RFX3: variants seen among roughly 807,000 people sequenced by gnomAD.
RFX3 encodes the protein transcription factor RFX3.
Under a neutral mutation model 98.6 loss-of-function variants are expected in RFX3, and 14 were observed. The ratio of observed to expected loss-of-function variants is 0.14; its 90% CI spans 0.09 to 0.22. The LOEUF is 0.22. Ranked by LOEUF, RFX3 falls within the 10% of genes least tolerant of loss-of-function variation. RFX3 has a pLI of 1.00. For missense variants in RFX3, 639 were observed against 926.9 expected (o/e 0.69, Z 4.03); for synonymous variants, 383 against 328.4 (o/e 1.17, Z -1.80).
At chr9:3,349,176 T>C (rs1834793116) in intron 2 of RFX3, among the ~76,000 whole-genome samples, 2 of 152,106 alleles carry the variant, frequency 1.3e-5, no homozygotes, top group Admixed American at 6.6e-5. Flanking sequence ...TGTCCATCTT[T>C]GCTCTTATGG....
At position 3,266,195 on chromosome 9, in the gene RFX3, A is replaced by G; in HGVS notation, c.1455+13T>C. On this transcript the variant is annotated intron_variant, in intron 12 of 16. Transcript: ENST00000617270. ...CCTCAACACAAAAGAAAAAGCAAGG[A>G]CATAAAGTATACCTTGGTTTGTATC... 2 of 1,489,218 alleles carry G rather than the reference A, an allele frequency of 1.3e-6. No homozygotes were observed. Among genetic ancestry groups the G allele is most frequent in the Non-Finnish European group, 1.9e-6 (2 of 1,072,242 alleles). The allele number at this position is 1,489,218 out of a possible 1,614,324, so 92.3% of individuals were successfully genotyped here.
At chr9:3,416,313 T>C (rs1404637977) in intron 1 of RFX3, among the ~76,000 whole-genome samples, 1 of 152,194 alleles carries the variant, frequency 6.6e-6, no homozygotes, top group Non-Finnish European at 1.5e-5. Flanking sequence ...AAATAACTTG[T>C]CCAAGATCAC....
chr9:3,489,773 A>G (rs971879620), intron 1 of RFX3, among the ~76,000 whole-genome samples: 4 of 152,196 alleles, frequency 2.6e-5, no homozygotes, highest in African/African-American at 4.8e-5. Flanking sequence ...AGACTAACCT[A>G]TGAGTCTCAT....
At chr9:3,416,786 C>G (rs1244725345) in intron 1 of RFX3, among the ~76,000 whole-genome samples, 1 of 151,894 alleles carries the variant, frequency 6.6e-6, no homozygotes, top group African/African-American at 2.4e-5. Flanking sequence ...AAAAATTATT[C>G]AATTAATCCA....
At chr9:3,504,929 A>ATATATATATATAATATAACATATAT (rs1816720905) in intron 1 of RFX3, among the ~76,000 whole-genome samples, 1 of 69,354 alleles carries the variant, frequency 1.4e-5, no homozygotes, top group Non-Finnish European at 2.3e-5. Flanking sequence ...AACATATATT[A>ATATATATATATAATATAACATATAT]TATATAATAT....
chr9:3,276,710 T>C (rs1307150637), intron 8 of RFX3, among the ~76,000 whole-genome samples: 1 of 151,980 alleles, frequency 6.6e-6, no homozygotes, highest in East Asian at 1.9e-4. Flanking sequence ...CTCTGATACC[T>C]TCTACTTATC....
At chr9:3,483,586 T>C (rs1320129114) in intron 1 of RFX3, among the ~76,000 whole-genome samples, 3 of 151,954 alleles carry the variant, frequency 2.0e-5, no homozygotes, top group African/African-American at 7.3e-5. Flanking sequence ...GGGAACTCTA[T>C]AATCAGACAC....
At chr9:3,456,221 G>A (rs1847139049) in intron 1 of RFX3, among the ~76,000 whole-genome samples, 1 of 152,308 alleles carries the variant, frequency 6.6e-6, no homozygotes, top group Admixed American at 6.5e-5. Flanking sequence ...TTTTGGAGGA[G>A]ACACATTCAA....
In RFX3 at chr9:3,288,196, A is replaced by C. The variant is rs1395543386; in HGVS notation, c.786T>G (p.Leu262=). 3.1e-6 allele frequency: 5 copies of C among 1,612,370 alleles called. No homozygotes were observed. In the Admixed American group the frequency reaches 5.0e-5, roughly 16 times the overall value. Residue 262 remains leucine (L), a synonymous_variant, in exon 7 of 17, where the codon CTT becomes CTG. Transcript: ENST00000617270. Reference sequence around the variant, plus strand: ...ACTGCATGTCTTCTTGCAGACGATTAAGAGGGGAATCTGGCTTGACACGAA... The same window carrying C: ...ACTGCATGTCTTCTTGCAGACGATTCAGAGGGGAATCTGGCTTGACACGAA... The part of the protein sequence containing the change: ...YGIRVKPDSP[L]NRLQEDMQYM...
intron 4 of RFX3, among the ~76,000 whole-genome samples, chr9:3,318,548 T>TA (rs375374826): frequency 7.3e-3 from 978 of 133,982 alleles, no homozygotes; most frequent in Non-Finnish European, 0.011. Flanking sequence ...AAATTAAAAT[T>TA]AAAAAAAAAA....
chr9:3,462,432 C>G (rs1404809581), intron 1 of RFX3, among the ~76,000 whole-genome samples: 1 of 151,966 alleles, frequency 6.6e-6, no homozygotes, highest in Non-Finnish European at 1.5e-5. Flanking sequence ...GAAACTATAG[C>G]TAACATTATA....
intron 10 of RFX3, 96 bp downstream of exon 10, chr9:3,270,907 C>A: frequency 6.5e-7 from 1 of 1,542,434 alleles, no homozygotes; most frequent in South Asian, 1.2e-5. Flanking sequence ...TTAATGTCAT[C>A]AGGTAAGGTT....
chr9:3,450,382 CT>C (rs199778413), intron 1 of RFX3, among the ~76,000 whole-genome samples: 1 of 151,756 alleles, frequency 6.6e-6, no homozygotes, highest in African/African-American at 2.4e-5. Context: ...GTTTTTCTCT[CT>C]TTTTTTTGCT....
intron 4 of RFX3, among the ~76,000 whole-genome samples, chr9:3,302,071 T>A (rs1828731432): frequency 6.6e-6 from 1 of 151,874 alleles, no homozygotes; most frequent in African/African-American, 2.4e-5. Flanking sequence ...AATATTTTAA[T>A]GCAAATGAAC....
chr9:3,392,842 A>T (rs1174430343), intron 2 of RFX3, among the ~76,000 whole-genome samples: 1 of 152,158 alleles, frequency 6.6e-6, no homozygotes, highest in African/African-American at 2.4e-5. Flanking sequence ...AGAAAAATAA[A>T]TGAGTTTTAC....
intron 3 of RFX3, among the ~76,000 whole-genome samples, chr9:3,336,973 A>G (rs1833263550): frequency 6.6e-6 from 1 of 152,186 alleles, no homozygotes; most frequent in Non-Finnish European, 1.5e-5. Context: ...ATGTACGCCT[A>G]ATTTTCTCAC....
chr9:3,459,979 G>T (rs552872421), intron 1 of RFX3, among the ~76,000 whole-genome samples: 4 of 152,014 alleles, frequency 2.6e-5, no homozygotes, highest in Non-Finnish European at 4.4e-5. Context: ...TGTAATCGAG[G>T]AAAGGGGTTT....
In RFX3 at chr9:3,312,266, A is replaced by T. The variant is rs563127068; in HGVS notation, c.475-10646T>A. On this transcript the variant is annotated intron_variant, in intron 4 of 16. Coordinates refer to ENST00000617270, the MANE Select transcript of RFX3 (RefSeq NM_001282116.2). ...TACATATGAGTGAGTATTGGGCCAC[A>T]ATGTAAAGGTATTTCTCATTGTAGT... Among the ~76,000 whole-genome samples, 15 of 152,336 alleles carry T rather than the reference A, an allele frequency of 9.8e-5. No individual in the cohort carries two copies. The East Asian group carries it at 2.3e-3, about 24-fold the overall frequency.
chr9:3,277,008 C>A (rs112949192), intron 8 of RFX3, among the ~76,000 whole-genome samples: 3 of 152,016 alleles, frequency 2.0e-5, no homozygotes, highest in Admixed American at 6.6e-5. Context: ...AATGAGAATT[C>A]TTTTTGGCAC....
Sources: allele counts gnomAD v4.1 joint callset (sites outside exome capture counted in the v4.1 genomes callset), GRCh38; gene constraint gnomAD v4.1.1; transcripts MANE v1.5; gene names NCBI Gene and HGNC (gene_info 2026-07-23, HGNC 2026-07-21).